NEK5: variants seen among roughly 807,000 people sequenced by gnomAD.
NEK5 encodes NIMA related kinase 5, also known as serine/threonine-protein kinase Nek5.
NEK5 carries 88 observed loss-of-function variants against 109.2 expected under a neutral mutation model. The ratio of observed to expected loss-of-function variants is 0.81; its 90% CI spans 0.68 to 0.96. The LOEUF is 0.96. NEK5 is among the 40% of genes least tolerant of loss of function. The probability of loss-of-function intolerance (pLI) is 0.00; values close to 1 mark genes in which losing one functional copy is unlikely to be tolerated. For missense variants in NEK5, 834 were observed against 920.7 expected, an observed-to-expected ratio of 0.91 and a Z score of 1.22; for synonymous variants, 283 against 299.9, an observed-to-expected ratio of 0.94 and a Z score of 0.58.
chr13:52,080,223 G>A (rs1168861821), intron 17 of NEK5, among the ~76,000 whole-genome samples: 1 of 137,536 alleles, frequency 7.3e-6, no homozygotes, highest in Admixed American at 7.1e-5. Flanking sequence ...GTGGGGGGGG[G>A]TCAGCCCCCC....
intron 17 of NEK5, among the ~76,000 whole-genome samples, chr13:52,080,268 G>A (rs939847203): frequency 1.4e-5 from 2 of 140,958 alleles, no homozygotes; most frequent in Non-Finnish European, 3.2e-5. Flanking sequence ...AGGGAGGTGG[G>A]GGGGGGTCAG....
chr13:52,075,661 T>C, intron 19 of NEK5, 97 bp downstream of exon 19: 1 of 774,414 alleles, frequency 1.3e-6, no homozygotes, highest in South Asian at 1.7e-5. Flanking sequence ...TGAAAAAAAT[T>C]ATCCCTACAG....
Position 52,127,421 on chromosome 13 carries a change from G to A in NEK5, c.62C>T (p.Ala21Val). ...GTGCTTGCTATCTGATTTCCCTTTAGCTAAGTATGCTTTCCCGAAGGCACC... is the reference window on the plus strand; with the variant it reads ...GTGCTTGCTATCTGATTTCCCTTTAACTAAGTATGCTTTCCCGAAGGCACC... ...GQGAFGKAYL[A>V]KGKSDSKHCV... Residue 21 changes from alanine to valine, a missense_variant, in exon 3 of 24, where the codon GCT becomes GTT. Physicochemically the swap from Ala to Val is moderately conservative, Grantham distance 64. Around this residue, in one of 2 missense-constraint regions of NEK5, gnomAD observed 777 missense variants for 824.7 expected, o/e 0.94. Transcript: ENST00000684899. 6.2e-7 allele frequency: 1 copy of A among 1,612,938 alleles called. No homozygotes were observed.
chr13:52,087,201 G>A, intron 15 of NEK5, 137 bp downstream of exon 15: 1 of 501,002 alleles, frequency 2.0e-6, no homozygotes, highest in Non-Finnish European at 3.6e-6. Flanking sequence ...ACCTAACTCT[G>A]TATCCCCTAT....
At chr13:52,059,017 A>G (rs1803435057) in intron 22 of NEK5, among the ~76,000 whole-genome samples, 2 of 123,210 alleles carry the variant, frequency 1.6e-5, no homozygotes, top group South Asian at 3.1e-4. Flanking sequence ...TGAACAGGCA[A>G]CCTACAAAAT....
intron 22 of NEK5, among the ~76,000 whole-genome samples, chr13:52,051,864 T>C (rs937008035): frequency 1.3e-5 from 2 of 152,204 alleles, no homozygotes; most frequent in South Asian, 4.1e-4. Context: ...CTGTTGAATT[T>C]CACCCTGGCA....
At chr13:52,067,999 A>G (rs1418649383) in intron 20 of NEK5, among the ~76,000 whole-genome samples, 1 of 151,922 alleles carries the variant, frequency 6.6e-6, no homozygotes, top group Non-Finnish European at 1.5e-5. Context: ...GTCAACCATC[A>G]TGTCATTTTC....
intron 3 of NEK5, among the ~76,000 whole-genome samples, chr13:52,122,034 T>A (rs1279076404): frequency 6.6e-6 from 1 of 152,076 alleles, no homozygotes; most frequent in Non-Finnish European, 1.5e-5. Context: ...CCAGAATAGC[T>A]GGGACTACAG....
chr13:52,036,298 C>G lies in NEK5; in HGVS notation c.*650G>C, dbSNP rs1954361135. The G allele has an allele frequency of 6.6e-6, 1 of 152,096 alleles. No individual in the cohort carries two copies. The allele number at this position is 152,096 out of a possible 1,614,324, so 9.4% of individuals were successfully genotyped here. ...TTACACTGCACCCAGGTGGATAAAC[C>G]AAGATAACCTCCCTATTTTAAGGTC... On this transcript the variant is annotated 3_prime_UTR_variant, in exon 24 of 24. Coordinates refer to ENST00000684899, the MANE Select transcript of NEK5 (RefSeq NM_001365552.1).
chr13:52,127,307 G>C, intron 3 of NEK5, 59 bp downstream of exon 3: 3 of 904,764 alleles, frequency 3.3e-6, no homozygotes, highest in Non-Finnish European at 5.4e-6. Context: ...TTTTATATTG[G>C]ATTAAAAGCC....
chr13:52,108,868 T>C lies in NEK5; in HGVS notation c.468-464A>G, dbSNP rs964530159. 5.9e-5 allele frequency among the ~76,000 whole-genome samples: 9 copies of C among 152,364 alleles called. No homozygotes were observed. The East Asian group carries it at 1.7e-3, about 29-fold the overall frequency. ...TCATATAACCGTGATCACAATGTAT[T>C]TAAAATTCAGAATTCCATTTTCTTT... On this transcript the variant is annotated intron_variant, in intron 7 of 23. Transcript: ENST00000684899.
intron 23 of NEK5, among the ~76,000 whole-genome samples, chr13:52,041,983 T>C (rs1245773297): frequency 3.3e-5 from 5 of 151,774 alleles, no homozygotes; most frequent in Non-Finnish European, 7.4e-5. Flanking sequence ...AGACATACCA[T>C]AGTGAAACAT....
At chr13:52,071,260 A>AGAGATGAC (rs1408955014) in intron 20 of NEK5, among the ~76,000 whole-genome samples, 1 of 152,218 alleles carries the variant, frequency 6.6e-6, no homozygotes, top group South Asian at 2.1e-4. Flanking sequence ...AACTGTTCTG[A>AGAGATGAC]GAGATGACTC....
chr13:52,053,471 G>GTATTAACT (rs1445021829), intron 22 of NEK5, among the ~76,000 whole-genome samples: 1 of 151,922 alleles, frequency 6.6e-6, no homozygotes, highest in African/African-American at 2.4e-5. Context: ...GCAGCCCTCT[G>GTATTAACT]TATTAACTTT....
chr13:52,083,553 T>G (rs12585654), intron 16 of NEK5, among the ~76,000 whole-genome samples: 60,587 of 150,580 alleles, frequency 0.4, 13,816 homozygotes, highest in Middle Eastern at 0.52. Flanking sequence ...TTTTTTTTTT[T>G]TGAGATGGAG....
In NEK5 at chr13:52,104,544, CA is replaced by C; in HGVS notation, c.562del (p.Trp188GlyfsTer27). 6.2e-7 allele frequency: 1 copy of C among 1,601,032 alleles called. No homozygotes were observed. The highest frequency in any genetic ancestry group is 8.6e-7 in the Non-Finnish European group (1 of 1,168,372). ...CTCATATAAGACACAGCCAAGAGAC[CA>C]AATATCCCTAAAGAAGATAAGAGTT... ...NKPYNNKTDI[W>X]SLGCVLYELC... On this transcript the variant is annotated frameshift_variant, in exon 9 of 24. Coordinates refer to ENST00000684899, the MANE Select transcript of NEK5 (RefSeq NM_001365552.1). LOFTEE classifies it high-confidence loss of function.
chr13:52,056,761 T>C (rs1226570962), intron 22 of NEK5, among the ~76,000 whole-genome samples: 1 of 151,712 alleles, frequency 6.6e-6, no homozygotes, highest in Non-Finnish European at 1.5e-5. Flanking sequence ...AGAACAAAGA[T>C]ACAACATACC....
chr13:52,100,957 T>A (rs1198971437), intron 11 of NEK5, among the ~76,000 whole-genome samples: 1 of 152,240 alleles, frequency 6.6e-6, no homozygotes, highest in Non-Finnish European at 1.5e-5. Context: ...TTTCTGCTCC[T>A]CCTGATATTG....
chr13:52,105,249 G>A (rs1955626846), intron 8 of NEK5, among the ~76,000 whole-genome samples: 1 of 141,384 alleles, frequency 7.1e-6, no homozygotes, highest in Non-Finnish European at 1.6e-5. Flanking sequence ...GTGTGTGTGT[G>A]TGTGTGTGTG....
Sources: allele counts gnomAD v4.1 joint callset (sites outside exome capture counted in the v4.1 genomes callset), GRCh38; gene constraint gnomAD v4.1.1; regional missense constraint gnomAD v4.1.1; transcripts MANE v1.5; gene names NCBI Gene and HGNC (gene_info 2026-07-23, HGNC 2026-07-21).